Variants in HEG1 observed in about 807,000 individuals in gnomAD.
HEG1 encodes heart development protein with EGF like domains 1.
In HEG1, 56 loss-of-function variants were observed where a neutral mutation model predicts 125.6. The observed-to-expected ratio is 0.45, with a 90% CI of 0.36 to 0.56. The LOEUF (loss-of-function observed/expected upper bound fraction) is 0.56, where lower values mean the gene tolerates loss of function less well. HEG1 is among the 20% of genes least tolerant of loss of function. HEG1 has a pLI of 0.00. For missense variants in HEG1, 1,523 were observed against 1,670.0 expected (o/e 0.91, Z 1.53); for synonymous variants, 644 against 668.5 (o/e 0.96, Z 0.57).
chr3:125,006,937 C>T (rs190797099), intron 8 of HEG1, among the ~76,000 whole-genome samples: 34 of 152,184 alleles, frequency 2.2e-4, no homozygotes, highest in Middle Eastern at 3.4e-3. Context: ...CGGTGGCTCA[C>T]GCCTGTAATC....
chr3:125,041,933 A>G (rs1004902251), intron 1 of HEG1, among the ~76,000 whole-genome samples: 3 of 152,236 alleles, frequency 2.0e-5, no homozygotes, highest in African/African-American at 7.2e-5. Context: ...ATAAAGGTTT[A>G]TCAGGGGCTG....
At chr3:125,054,069 G>A (rs2948802) in intron 1 of HEG1, among the ~76,000 whole-genome samples, 33,335 of 152,226 alleles carry the variant, frequency 0.22, 3,755 homozygotes, top group South Asian at 0.3. Context: ...AATGTTCTCA[G>A]TTCTCTGCAG....
intron 16 of HEG1, chr3:124,972,164 C>G (rs1417755355): frequency 6.6e-6 from 1 of 152,168 alleles, no homozygotes; most frequent in Non-Finnish European, 1.5e-5. Context: ...TTTAAGGTAA[C>G]TCTTTAATAC....
chr3:124,991,248 C>T (rs2228675), intron 12 of HEG1, among the ~76,000 whole-genome samples: 36,194 of 151,304 alleles, frequency 0.24, 4,437 homozygotes, highest in East Asian at 0.36. Context: ...CTCCTGGGTT[C>T]AAGTGATTCT....
intron 9 of HEG1, among the ~76,000 whole-genome samples, chr3:125,003,219 TA>T (rs1937025091): frequency 6.6e-6 from 1 of 152,230 alleles, no homozygotes; most frequent in African/African-American, 2.4e-5. Flanking sequence ...AATGATGGAT[TA>T]ATCTTCACTC....
chr3:125,031,695 C>A (rs1035111086), intron 1 of HEG1, among the ~76,000 whole-genome samples: 14 of 109,742 alleles, frequency 1.3e-4, no homozygotes, highest in South Asian at 6.9e-4. Flanking sequence ...ACACACACAC[C>A]CACATATACC....
intron 11 of HEG1, among the ~76,000 whole-genome samples, chr3:125,000,562 C>T (rs12495078): frequency 4.6e-5 from 7 of 152,070 alleles, no homozygotes; most frequent in Admixed American, 2.0e-4. Context: ...TACCTCACTC[C>T]CCCATCAATA....
intron 1 of HEG1, among the ~76,000 whole-genome samples, chr3:125,046,718 G>C (rs1003246209): frequency 1.3e-5 from 2 of 152,216 alleles, no homozygotes; most frequent in African/African-American, 4.8e-5. Flanking sequence ...GCAGTAGATA[G>C]AGATCCGCAA....
chr3:125,013,292 T>C lies in HEG1; in HGVS notation c.2287A>G (p.Met763Val). Reference protein sequence around the residue: ...TPVTSFQTSTMTSFMTMLHSS... With the variant: ...TPVTSFQTSTVTSFMTMLHSS... ...TGGAGCATTGTCATGAATGATGTCA[T>C]TGTTGATGTCTGAAATGAAGTCACA... The change falls in exon 6 of 17, where the codon ATG becomes GTG. Residue 763 changes from methionine to valine, a missense_variant. By Grantham distance (21) the Met-to-Val change is conservative. Coordinates refer to ENST00000311127, the MANE Select transcript of HEG1 (RefSeq NM_020733.2). 1 of 1,614,008 alleles carries C rather than the reference T, an allele frequency of 6.2e-7. No individual in the cohort carries two copies. The highest frequency in any genetic ancestry group is 8.5e-7 in the Non-Finnish European group (1 of 1,179,894).
chr3:125,029,492 AAAG>A lies in HEG1; in HGVS notation c.317-7_317-5del, dbSNP rs765766084. On this transcript the variant is annotated splice_region_variant and splice_polypyrimidine_tract_variant and intron_variant, in intron 1 of 16. Coordinates refer to ENST00000311127, the MANE Select transcript of HEG1 (RefSeq NM_020733.2). ...GGCCAATGTTTCCAGGCAGCATCTG[AAAG>A]AAGAAGAGGATGCATCAGGGAGAGT... 5.5e-5 allele frequency: 87 copies of A among 1,592,552 alleles called. No homozygotes were observed. The highest frequency in any genetic ancestry group is 6.0e-5 in the Non-Finnish European group (70 of 1,174,330).
intron 11 of HEG1, among the ~76,000 whole-genome samples, chr3:124,999,533 G>A (rs1443904027): frequency 6.6e-6 from 1 of 152,198 alleles, no homozygotes; most frequent in Admixed American, 6.5e-5. Context: ...CCAATGTCAC[G>A]TTTTCCTTCC....
Position 124,970,627 on chromosome 3 carries a change from C to T in HEG1, c.*25G>A. The stretch of plus-strand genomic sequence containing the variant: ...GAGGTCCCAGGTGACTGGCTCAGAG[C>T]AATGAGTCCCTCTCTCTCCTGGACT... On this transcript the variant is annotated 3_prime_UTR_variant, in exon 17 of 17. Coordinates refer to ENST00000311127, the MANE Select transcript of HEG1 (RefSeq NM_020733.2). 4 of 1,578,770 alleles carry T rather than the reference C, an allele frequency of 2.5e-6. No individual in the cohort carries two copies. The highest frequency in any genetic ancestry group is 3.4e-6 in the Non-Finnish European group (4 of 1,161,000).
intron 15 of HEG1, among the ~76,000 whole-genome samples, chr3:124,977,069 A>T (rs1936559253): frequency 1.5e-5 from 1 of 65,710 alleles, no homozygotes; most frequent in Non-Finnish European, 2.7e-5. Flanking sequence ...TGCTGTTCTC[A>T]TGATAGTAAA....
Position 124,982,427 on chromosome 3 carries a change from C to A in HEG1, c.3734-4481G>T, listed in dbSNP as rs887667281. Among the ~76,000 whole-genome samples, 7 of 152,208 alleles carry A rather than the reference C, an allele frequency of 4.6e-5. No individual in the cohort carries two copies. The East Asian group carries it at 1.3e-3, about 29-fold the overall frequency. ...TCTGAATATTTAGGTGAGACAGAGGCAGTGAATGTCATCTTAGGCTTGTCC... is the reference window on the plus strand; with the variant it reads ...TCTGAATATTTAGGTGAGACAGAGGAAGTGAATGTCATCTTAGGCTTGTCC... On this transcript the variant is annotated intron_variant, in intron 14 of 16. Transcript: ENST00000311127.
intron 1 of HEG1, among the ~76,000 whole-genome samples, chr3:125,054,861 T>A (rs1937895053): frequency 6.6e-6 from 1 of 152,180 alleles, no homozygotes; most frequent in South Asian, 2.1e-4. Context: ...TGTGGCATAT[T>A]TTTCCAGATC....
intron 1 of HEG1, among the ~76,000 whole-genome samples, chr3:125,044,501 G>C (rs907404948): frequency 1.3e-5 from 2 of 152,194 alleles, no homozygotes; most frequent in African/African-American, 4.8e-5. Flanking sequence ...ACTGTGCTAA[G>C]CATTTCACAT....
intron 15 of HEG1, among the ~76,000 whole-genome samples, chr3:124,975,315 T>C (rs1936514521): frequency 6.6e-6 from 1 of 152,194 alleles, no homozygotes. Flanking sequence ...ATTCCTGCCA[T>C]TATTATCATC....
intron 1 of HEG1, among the ~76,000 whole-genome samples, chr3:125,049,678 C>T (rs1937759085): frequency 6.6e-6 from 1 of 152,144 alleles, no homozygotes; most frequent in African/African-American, 2.4e-5. Flanking sequence ...TTTAAGTGGC[C>T]CTTGCATCTC....
chr3:125,030,230 C>T (rs541085731), intron 1 of HEG1, among the ~76,000 whole-genome samples: 1 of 152,284 alleles, frequency 6.6e-6, no homozygotes, highest in African/African-American at 2.4e-5. Context: ...ACCCTGACAC[C>T]TACTCTTGCA....
Sources: allele counts gnomAD v4.1 joint callset (sites outside exome capture counted in the v4.1 genomes callset), GRCh38; gene constraint gnomAD v4.1.1; transcripts MANE v1.5; gene names NCBI Gene and HGNC (gene_info 2026-07-23, HGNC 2026-07-21).